Variants in MAPT observed in about 807,000 individuals in gnomAD.
The protein encoded by MAPT is microtubule-associated protein tau.
MAPT carries 34 observed loss-of-function variants against 67.9 expected under a neutral mutation model. That is an observed-to-expected ratio of 0.50 (90% CI 0.38 to 0.67). The LOEUF is 0.67. MAPT is among the 30% of genes least tolerant of loss of function. MAPT has a pLI of 0.00. For missense variants in MAPT, 881 were observed against 1,115.2 expected, an observed-to-expected ratio of 0.79 and a Z score of 2.99; for synonymous variants, 456 against 464.5, an observed-to-expected ratio of 0.98 and a Z score of 0.23.
intron 1 of MAPT, among the ~76,000 whole-genome samples, chr17:45,948,988 T>A (rs1370008312): frequency 1.3e-5 from 2 of 152,234 alleles, no homozygotes; most frequent in African/African-American, 4.8e-5. Flanking sequence ...TTAGGGGATT[T>A]TTGTTTGTTT....
At chr17:45,942,220 T>TTTCTTATGTATAAAA (rs1255496328) in intron 1 of MAPT, among the ~76,000 whole-genome samples, 1 of 152,248 alleles carries the variant, frequency 6.6e-6, no homozygotes, top group Non-Finnish European at 1.5e-5. Flanking sequence ...ATATGTATTC[T>TTTCTTATGTATAAAA]TTTCTTATGT....
In MAPT at chr17:45,907,632, C is replaced by G. The variant is rs185548823; in HGVS notation, c.-18+12946C>G. The G allele has an allele frequency of 5.9e-5, 9 of 152,372 alleles. No homozygotes were observed. The East Asian group carries it at 1.7e-3, about 29-fold the overall frequency. 9.4% of individuals were successfully genotyped at this position (152,372 alleles called of 1,614,324 possible). A position where few individuals can be genotyped will look rare whatever the true frequency, so the allele number is the denominator to read the frequency against. On this transcript the variant is annotated intron_variant, in intron 1 of 12. Transcript: ENST00000262410. ...AGTCAGTTCTCCACCTCCTAGCACT[C>G]AGTTCCAGTACTCTATATACATGGA...
At chr17:45,998,740 C>A (rs550796958) in intron 9 of MAPT, among the ~76,000 whole-genome samples, 1 of 152,126 alleles carries the variant, frequency 6.6e-6, no homozygotes, top group Non-Finnish European at 1.5e-5. Context: ...AACTGTCCTG[C>A]GCTTCCACTG....
rs748687026 is a variant in MAPT, at chr17:46,024,213, TGA to T, written c.*48_*49del. The T allele has an allele frequency of 3.2e-5, 49 of 1,551,494 alleles. No homozygotes were observed. The highest frequency in any genetic ancestry group is 3.6e-5 in the Non-Finnish European group (40 of 1,124,562). Reference sequence around the variant, plus strand: ...GTCAATAATTGTGGAGAGGAGAGAATGAGAGAGTGTGGAAAAAAAAAGAATAA... The same window carrying T: ...GTCAATAATTGTGGAGAGGAGAGAATGAGAGTGTGGAAAAAAAAAGAATAA... On this transcript the variant is annotated 3_prime_UTR_variant, in exon 13 of 13. Coordinates refer to ENST00000262410, the MANE Select transcript of MAPT (RefSeq NM_001377265.1).
chr17:45,973,568 C>A (rs892617756), intron 3 of MAPT: 2 of 152,198 alleles, frequency 1.3e-5, no homozygotes, highest in Non-Finnish European at 2.9e-5. Flanking sequence ...CCGCCTGCAC[C>A]CAAGACAACC....
At position 46,025,267 on chromosome 17, in the gene MAPT, G is replaced by C. The variant is rs2076756177; in HGVS notation, c.*1096G>C. Reference sequence around the variant, plus strand: ...ATCTCTGGAGTGTGTGGGGGTCTGGGAGGCAGGTCCCGAGCCCCCTGTCCT... The same window carrying C: ...ATCTCTGGAGTGTGTGGGGGTCTGGCAGGCAGGTCCCGAGCCCCCTGTCCT... On this transcript the variant is annotated 3_prime_UTR_variant, in exon 13 of 13. Transcript: ENST00000262410. The C allele has an allele frequency of 6.6e-6, 1 of 152,522 alleles. No individual in the cohort carries two copies. The highest frequency in any genetic ancestry group is 1.5e-5 in the Non-Finnish European group (1 of 68,124). 9.4% of individuals were successfully genotyped at this position (152,522 alleles called of 1,614,324 possible).
intron 9 of MAPT, among the ~76,000 whole-genome samples, chr17:46,009,540 C>T (rs1391330399): frequency 1.8e-5 from 2 of 113,114 alleles, no homozygotes; most frequent in African/African-American, 2.6e-5. Flanking sequence ...GCTTCCGTTA[C>T]GCACCTAGTG....
intron 1 of MAPT, among the ~76,000 whole-genome samples, chr17:45,930,049 G>T (rs1215979335): frequency 2.0e-5 from 3 of 152,158 alleles, no homozygotes; most frequent in Admixed American, 1.3e-4. Flanking sequence ...GAGAAGGGGT[G>T]CATAAGCCCC....
At position 46,024,237 on chromosome 17, in the gene MAPT, A is replaced by G. The variant is rs929100466; in HGVS notation, c.*66A>G. ...ATGAGAGAGTGTGGAAAAAAAAAGA[A>G]TAATGACCCGGCCCCCGCCCTCTGC... is the stretch of plus-strand genomic sequence containing the variant. On this transcript the variant is annotated 3_prime_UTR_variant, in exon 13 of 13. Transcript: ENST00000262410. 42 of 1,428,026 alleles carry G rather than the reference A, an allele frequency of 2.9e-5. No individual in the cohort carries two copies. Among genetic ancestry groups the G allele is most frequent in the East Asian group, 1.2e-4 (5 of 43,340 alleles). The allele number at this position is 1,428,026 out of a possible 1,614,324, so 88.5% of individuals were successfully genotyped here.
chr17:46,014,718 C>CA (rs1211238484), intron 11 of MAPT, among the ~76,000 whole-genome samples: 2 of 151,920 alleles, frequency 1.3e-5, no homozygotes, highest in African/African-American at 4.8e-5. Context: ...ACTAAAAATA[C>CA]AAAAAATTAG....
chr17:45,983,072 G>A lies in MAPT; in HGVS notation c.493G>A (p.Gly165Arg). The A allele has an allele frequency of 2.0e-6, 3 of 1,534,994 alleles. No homozygotes were observed. The highest frequency in any genetic ancestry group is 2.6e-6 in the Non-Finnish European group (3 of 1,136,050). ...RPVCPAPPPT[G>R]GPQEPSLEWG... ...CGTTTGCCCAGCGCCTCCTCCAACA[G>A]GAGGCCCTCAGGAGCCCTCCCTGGA... The change falls in exon 5 of 13, where the codon GGA becomes AGA. Residue 165 changes from glycine (G) to arginine (R), a missense_variant. This residue lies in a region of MAPT where 687 missense variants were observed against 766.1 expected (regional missense o/e 0.90). Transcript: ENST00000262410.
intron 1 of MAPT, among the ~76,000 whole-genome samples, chr17:45,904,003 A>ATTATATATTTATATATTATATAT (rs1555673855): frequency 4.1e-5 from 1 of 24,496 alleles, no homozygotes; most frequent in African/African-American, 1.4e-4. Context: ...TATATTATAT[A>ATTATATATTTATATATTATATAT]TTATATATAT....
intron 1 of MAPT, among the ~76,000 whole-genome samples, chr17:45,919,355 C>A (rs113271363): frequency 5.3e-5 from 8 of 152,080 alleles, no homozygotes; most frequent in Non-Finnish European, 1.2e-4. Context: ...GGGGCGCCCC[C>A]CCCGCCTGCC....
At chr17:45,974,302 A>G (rs1224571605) in intron 3 of MAPT, 1 of 979,574 alleles carries the variant, frequency 1.0e-6, no homozygotes, top group Non-Finnish European at 1.6e-6. Flanking sequence ...TCCTCCCTGC[A>G]TTGCTCCTGC....
chr17:45,991,335 G>A (rs1307091367), intron 7 of MAPT, 125 bp from the exon 8 acceptor site: 7 of 1,232,506 alleles, frequency 5.7e-6, no homozygotes, highest in Non-Finnish European at 5.9e-6. Flanking sequence ...CATCTAGGAG[G>A]CAAAGGGTCA....
intron 1 of MAPT, among the ~76,000 whole-genome samples, chr17:45,951,023 T>C (rs894158160): frequency 1.3e-5 from 2 of 152,214 alleles, no homozygotes; most frequent in Non-Finnish European, 2.9e-5. Flanking sequence ...AATAAACCAA[T>C]GTGGACTATC....
chr17:45,963,861 T>C (rs1202470963), intron 2 of MAPT, among the ~76,000 whole-genome samples: 3 of 152,142 alleles, frequency 2.0e-5, no homozygotes, highest in Non-Finnish European at 2.9e-5. Context: ...ACGTTTCAGA[T>C]TTCTATCTGT....
At chr17:45,989,838 G>A (rs1217826652) in intron 6 of MAPT, 40 bp from the exon 7 acceptor site, 6 of 1,576,268 alleles carry the variant, frequency 3.8e-6, no homozygotes, top group Non-Finnish European at 5.2e-6. Flanking sequence ...TCCTCCATGT[G>A]CTGACTTTTA....
At chr17:45,987,498 C>A (rs1486255277) in intron 6 of MAPT, among the ~76,000 whole-genome samples, 1 of 152,226 alleles carries the variant, frequency 6.6e-6, no homozygotes, top group Non-Finnish European at 1.5e-5. Flanking sequence ...CCATCCTTCT[C>A]AGTATTTCAC....
Sources: gnomAD v4.1 joint callset for allele counts (sites outside exome capture counted in the v4.1 genomes callset) on GRCh38, gnomAD v4.1.1 for gene constraint, gnomAD v4.1.1 regional missense constraint, MANE v1.5 for transcripts, NCBI Gene and HGNC (gene_info 2026-07-23, HGNC 2026-07-21) for gene names.